SLC25A21: variants seen among roughly 807,000 people sequenced by gnomAD.
SLC25A21 encodes the protein mitochondrial 2-oxodicarboxylate carrier.
Under a neutral mutation model 43.8 loss-of-function variants are expected in SLC25A21, and 47 were observed. The ratio of observed to expected loss-of-function variants is 1.07; its 90% CI spans 0.85 to 1.37. The LOEUF is 1.37. Ranked by LOEUF, SLC25A21 falls within the 40% of genes most tolerant of loss-of-function variation. The pLI is 0.00. For synonymous variants in SLC25A21, 131 were observed against 121.3 expected (o/e 1.08, Z -0.52); for missense variants, 352 against 350.2 (o/e 1.00, Z -0.04).
chr14:37,045,062 T>TA (rs1961558766), intron 1 of SLC25A21, among the ~76,000 whole-genome samples: 1 of 152,216 alleles, frequency 6.6e-6, no homozygotes, highest in Admixed American at 6.5e-5. Flanking sequence ...ATGCTCCTTC[T>TA]AAAGTGCCAA....
Position 37,130,066 on chromosome 14 carries a change from C to T in SLC25A21, c.70+42215G>A, listed in dbSNP as rs915123186. Among the ~76,000 whole-genome samples, 43 of 119,132 alleles carry T rather than the reference C, an allele frequency of 3.6e-4. 1 individual carries two copies. Among genetic ancestry groups the T allele is most frequent in the African/African-American group, 1.4e-3 (43 of 30,752 alleles). The allele number at this position is 119,132 out of a possible 152,430, so 78.2% of individuals were successfully genotyped here. A position where few individuals can be genotyped will look rare whatever the true frequency, so the allele number is the denominator to read the frequency against. On this transcript the variant is annotated intron_variant, in intron 1 of 9. Coordinates refer to ENST00000331299, the MANE Select transcript of SLC25A21 (RefSeq NM_030631.4). ...CAGGAGTTCAAGACCAGCTGGGCAA[C>T]ATAGTGAGACCCTGTCTCTACAAAA...
chr14:36,985,389 A>AAATAATAAT (rs145364520), intron 1 of SLC25A21, among the ~76,000 whole-genome samples: 1 of 151,518 alleles, frequency 6.6e-6, no homozygotes, highest in Non-Finnish European at 1.5e-5. Context: ...CCATGGTTAA[A>AAATAATAAT]AATAATAATA....
At chr14:37,098,730 TAGATAGATAGATAGATAGAC>T (rs1432605011) in intron 1 of SLC25A21, among the ~76,000 whole-genome samples, 211 of 10,386 alleles carry the variant, frequency 0.02, 2 homozygotes, top group South Asian at 0.025. Flanking sequence ...GATAGATAGA[TAGATAGATAGATAGATAGAC>T]AGACAGACAG....
intron 7 of SLC25A21, among the ~76,000 whole-genome samples, chr14:36,696,052 A>G (rs946217306): frequency 6.6e-6 from 1 of 152,072 alleles, no homozygotes; most frequent in Non-Finnish European, 1.5e-5. Flanking sequence ...GTTTGTCATA[A>G]ATAGTTCTTA....
intron 1 of SLC25A21, among the ~76,000 whole-genome samples, chr14:37,019,445 A>G (rs1960936795): frequency 6.6e-6 from 1 of 151,852 alleles, no homozygotes; most frequent in Non-Finnish European, 1.5e-5. Flanking sequence ...TCACAAGTGA[A>G]ATAGTTTACT....
chr14:36,922,517 C>T (rs1892009002), intron 1 of SLC25A21, among the ~76,000 whole-genome samples: 1 of 142,896 alleles, frequency 7.0e-6, no homozygotes, highest in African/African-American at 2.6e-5. Flanking sequence ...AGAGGGGCTT[C>T]AGAAATCCTC....
intron 1 of SLC25A21, among the ~76,000 whole-genome samples, chr14:37,015,245 T>A (rs1380014062): frequency 7.8e-6 from 1 of 128,802 alleles, no homozygotes; most frequent in East Asian, 2.4e-4. Flanking sequence ...CCTGTGTCCA[T>A]GTGTTCTCAT....
At chr14:36,960,118 G>GA (rs1192927608) in intron 1 of SLC25A21, among the ~76,000 whole-genome samples, 2 of 152,074 alleles carry the variant, frequency 1.3e-5, no homozygotes, top group African/African-American at 4.8e-5. Context: ...AGTTTAGAAG[G>GA]AAAAACTGTA....
At chr14:36,736,692 A>G (rs953258670) in intron 3 of SLC25A21, among the ~76,000 whole-genome samples, 1 of 152,230 alleles carries the variant, frequency 6.6e-6, no homozygotes, top group African/African-American at 2.4e-5. Flanking sequence ...AGATCAACAG[A>G]GGAACTTGAA....
At chr14:36,841,152 T>C (rs1292261844) in intron 2 of SLC25A21, among the ~76,000 whole-genome samples, 1 of 152,192 alleles carries the variant, frequency 6.6e-6, no homozygotes, top group Non-Finnish European at 1.5e-5. Context: ...CGATTACATG[T>C]AGTGTGTAAG....
intron 1 of SLC25A21, among the ~76,000 whole-genome samples, chr14:37,141,274 G>A (rs941755824): frequency 1.3e-5 from 2 of 152,020 alleles, no homozygotes; most frequent in East Asian, 1.9e-4. Context: ...AGCCTTCCCA[G>A]TCCAAAAGCT....
At chr14:36,906,025 C>G (rs1004276494) in intron 1 of SLC25A21, among the ~76,000 whole-genome samples, 1 of 152,108 alleles carries the variant, frequency 6.6e-6, no homozygotes, top group African/African-American at 2.4e-5. Flanking sequence ...GAGTCTTTCC[C>G]ATATTCAAAA....
At chr14:37,004,019 G>C (rs567780222) in intron 1 of SLC25A21, among the ~76,000 whole-genome samples, 62 of 152,102 alleles carry the variant, frequency 4.1e-4, no homozygotes, top group African/African-American at 1.5e-3. Context: ...GAACTCACCC[G>C]ATTTGAACTT....
chr14:36,782,392 T>C (rs1295336728), intron 3 of SLC25A21, among the ~76,000 whole-genome samples: 2 of 152,318 alleles, frequency 1.3e-5, no homozygotes, highest in African/African-American at 4.8e-5. Flanking sequence ...TGGTGCCCCA[T>C]AAATCCTGTA....
intron 8 of SLC25A21, 26 bp downstream of exon 8, chr14:36,684,718 A>T: frequency 6.3e-7 from 1 of 1,580,156 alleles, no homozygotes. Context: ...TCATACATTT[A>T]TTAAAATAAG....
chr14:37,086,402 T>C (rs1251600024), intron 1 of SLC25A21, among the ~76,000 whole-genome samples: 1 of 152,116 alleles, frequency 6.6e-6, no homozygotes, highest in Non-Finnish European at 1.5e-5. Flanking sequence ...GATATTACTA[T>C]GTGTATAGAT....
intron 3 of SLC25A21, among the ~76,000 whole-genome samples, chr14:36,776,421 G>T (rs909664019): frequency 6.6e-6 from 1 of 151,098 alleles, no homozygotes; most frequent in Non-Finnish European, 1.5e-5. Flanking sequence ...TGTATTTTTA[G>T]TAGAAACGGG....
chr14:36,873,699 C>T (rs1325142740), intron 2 of SLC25A21, among the ~76,000 whole-genome samples: 2 of 152,144 alleles, frequency 1.3e-5, no homozygotes, highest in Non-Finnish European at 2.9e-5. Context: ...ACCCACAATG[C>T]AACGGTATTT....
At chr14:37,006,550 C>T (rs72667369) in intron 1 of SLC25A21, among the ~76,000 whole-genome samples, 10,618 of 151,986 alleles carry the variant, frequency 0.07, 408 homozygotes, top group Admixed American at 0.081. Context: ...CCATTCAATC[C>T]TTTGCTCTAC....
Sources: gnomAD v4.1 joint callset for allele counts (sites outside exome capture counted in the v4.1 genomes callset) on GRCh38, gnomAD v4.1.1 for gene constraint, MANE v1.5 for transcripts, NCBI Gene and HGNC (gene_info 2026-07-23, HGNC 2026-07-21) for gene names.